ANKS1B: variants seen among roughly 807,000 people sequenced by gnomAD.
ANKS1B encodes ankyrin repeat and sterile alpha motif domain containing 1B, also known as ankyrin repeat and sterile alpha motif domain-containing protein 1B.
Under a neutral mutation model 148.3 loss-of-function variants are expected in ANKS1B, and 36 were observed. The ratio of observed to expected loss-of-function variants is 0.24; its 90% confidence interval spans 0.19 to 0.32. ANKS1B has a LOEUF of 0.32. Ranked by LOEUF, ANKS1B falls within the 10% of genes least tolerant of loss-of-function variation. The pLI, the probability that ANKS1B is intolerant of heterozygous loss-of-function variation, is 1.00. For synonymous variants in ANKS1B, 542 were observed against 560.8 expected (o/e 0.97, Z 0.47); for missense variants, 1,157 against 1,542.6 (o/e 0.75, Z 4.19).
intron 9 of ANKS1B, among the ~76,000 whole-genome samples, chr12:99,524,517 T>C (rs1324654484): frequency 6.6e-6 from 1 of 152,194 alleles, no homozygotes; most frequent in East Asian, 1.9e-4. Context: ...GGAGAGCCAG[T>C]GTCAGTGATG....
chr12:99,368,149 A>G (rs970616940), intron 12 of ANKS1B, among the ~76,000 whole-genome samples: 12 of 152,196 alleles, frequency 7.9e-5, no homozygotes, highest in African/African-American at 2.2e-4. Flanking sequence ...AATAAATTTT[A>G]AATTTCACTC....
intron 14 of ANKS1B, among the ~76,000 whole-genome samples, chr12:99,232,866 C>G (rs11109766): frequency 0.29 from 43,416 of 151,796 alleles, 7,549 homozygotes; most frequent in East Asian, 0.47. Flanking sequence ...GATAAAAAGG[C>G]AAGAAAATTA....
chr12:99,675,249 ATGTATG>A (rs2153474643), intron 8 of ANKS1B, among the ~76,000 whole-genome samples: 1 of 152,138 alleles, frequency 6.6e-6, no homozygotes, highest in South Asian at 2.1e-4. Context: ...TAAATGTTAT[ATGTATG>A]TGTAATGATA....
At chr12:99,304,474 T>C (rs79411096) in intron 12 of ANKS1B, among the ~76,000 whole-genome samples, 3,045 of 152,220 alleles carry the variant, frequency 0.02, 97 homozygotes, top group African/African-American at 0.07. Context: ...TTCCCCCTTC[T>C]ACCGTTTTCT....
chr12:99,698,317 C>T (rs574561488), intron 8 of ANKS1B, among the ~76,000 whole-genome samples: 11 of 151,992 alleles, frequency 7.2e-5, no homozygotes, highest in East Asian at 1.9e-4. Context: ...CCAAAATAAC[C>T]GCAAATAAAC....
chr12:99,440,752 T>C (rs1449367132), intron 11 of ANKS1B, among the ~76,000 whole-genome samples: 1 of 151,862 alleles, frequency 6.6e-6, no homozygotes, highest in Non-Finnish European at 1.5e-5. Flanking sequence ...CTATCTCATA[T>C]TGAAAGCAAG....
chr12:98,785,976 T>C (rs951570020), intron 22 of ANKS1B, among the ~76,000 whole-genome samples: 1 of 152,168 alleles, frequency 6.6e-6, no homozygotes, highest in Non-Finnish European at 1.5e-5. Context: ...TTGTGGCATT[T>C]TTCAGGTTTC....
rs566264930 is a variant in ANKS1B at position 99,451,219 on chromosome 12, T to A, written c.1439-7410A>T. Among the ~76,000 whole-genome samples the A allele has an allele frequency of 1.1e-4, 17 of 152,132 alleles. No individual in the cohort carries two copies. In the East Asian group the frequency reaches 3.3e-3, roughly 29 times the overall value. ...TTATTCATTATGAATGTCAGTTTAG[T>A]CTATAATAACAACATTAGAAAAAAT... On this transcript the variant is annotated intron_variant, in intron 10 of 26. Coordinates refer to ENST00000683438, the MANE Select transcript of ANKS1B (RefSeq NM_001352186.2).
At chr12:99,730,484 CT>C (rs1333444480) in intron 8 of ANKS1B, among the ~76,000 whole-genome samples, 16 of 152,296 alleles carry the variant, frequency 1.1e-4, no homozygotes, top group Admixed American at 9.8e-4. Flanking sequence ...ACAACACTCA[CT>C]TTACAGACTA....
chr12:98,737,092 G>A (rs2097777246), intron 9 of ANKS1B, among the ~76,000 whole-genome samples: 1 of 152,166 alleles, frequency 6.6e-6, no homozygotes, highest in Admixed American at 6.5e-5. Context: ...CCTGCACTAA[G>A]AGACCGCTCA....
chr12:99,887,254 G>A (rs944194639), intron 1 of ANKS1B, among the ~76,000 whole-genome samples: 7 of 152,176 alleles, frequency 4.6e-5, no homozygotes, highest in Non-Finnish European at 5.9e-5. Context: ...CACTTCAAAC[G>A]TGGCTAATCC....
chr12:98,999,759 C>T (rs1055378682), intron 17 of ANKS1B, among the ~76,000 whole-genome samples: 4 of 152,274 alleles, frequency 2.6e-5, no homozygotes, highest in East Asian at 1.9e-4. Context: ...CAGCCGGCAC[C>T]GCGTGTGAAG....
intron 9 of ANKS1B, among the ~76,000 whole-genome samples, chr12:99,597,385 GA>G (rs2097767191): frequency 6.6e-6 from 1 of 151,860 alleles, no homozygotes; most frequent in Admixed American, 6.6e-5. Flanking sequence ...GAATTTTGTG[GA>G]AATTCAACTA....
intron 8 of ANKS1B, among the ~76,000 whole-genome samples, chr12:99,673,452 T>C (rs2098547720): frequency 6.6e-6 from 1 of 152,044 alleles, no homozygotes; most frequent in Non-Finnish European, 1.5e-5. Flanking sequence ...AAGTCCACCA[T>C]ATCTATGCCA....
intron 16 of ANKS1B, among the ~76,000 whole-genome samples, chr12:99,063,193 G>A (rs575981939): frequency 3.9e-5 from 6 of 152,310 alleles, no homozygotes; most frequent in African/African-American, 9.6e-5. Context: ...CCACCTGGAT[G>A]TACTTTGTAC....
At position 99,521,890 on chromosome 12, in the gene ANKS1B, C is replaced by A. The variant is rs1039506879; in HGVS notation, c.1273-17249G>T. ...CACTGTAAACACTTTCTGGCTACCACCTCTGTTGACTCAAGGCACTAGGGC... is the reference window on the plus strand; with the variant it reads ...CACTGTAAACACTTTCTGGCTACCAACTCTGTTGACTCAAGGCACTAGGGC... On this transcript the variant is annotated intron_variant, in intron 9 of 26. Coordinates refer to ENST00000683438, the MANE Select transcript of ANKS1B (RefSeq NM_001352186.2). 6.6e-5 allele frequency among the ~76,000 whole-genome samples: 10 copies of A among 152,296 alleles called. 1 individual carries two copies. In the South Asian group the frequency reaches 8.3e-4, roughly 13 times the overall value.
chr12:99,952,100 T>G (rs1207474261), intron 1 of ANKS1B, among the ~76,000 whole-genome samples: 1 of 152,214 alleles, frequency 6.6e-6, no homozygotes, highest in Admixed American at 6.5e-5. Flanking sequence ...AGAAAAAATG[T>G]GCTTTTTAAG....
intron 19 of ANKS1B, among the ~76,000 whole-genome samples, chr12:98,814,484 C>T (rs2099123592): frequency 6.6e-6 from 1 of 152,188 alleles, no homozygotes; most frequent in South Asian, 2.1e-4. Context: ...TCACTGCCAA[C>T]ACACTTCCGG....
At chr12:99,334,986 A>G (rs773820870) in intron 12 of ANKS1B, among the ~76,000 whole-genome samples, 19 of 152,070 alleles carry the variant, frequency 1.2e-4, no homozygotes, top group Non-Finnish European at 2.5e-4. Flanking sequence ...ATCTCTTACT[A>G]CAAAAGGTTT....
Sources: gnomAD v4.1 joint callset for allele counts (sites outside exome capture counted in the v4.1 genomes callset) on GRCh38, gnomAD v4.1.1 for gene constraint, MANE v1.5 for transcripts, NCBI Gene and HGNC (gene_info 2026-07-23, HGNC 2026-07-21) for gene names.